The following CHRM3 variants were observed in gnomAD, a reference collection of about 807,000 sequenced individuals.
The protein encoded by CHRM3 is cholinergic receptor muscarinic 3.
CHRM3 carries 11 observed loss-of-function variants against 41.8 expected under a neutral mutation model. The ratio of observed to expected loss-of-function variants is 0.26; its 90% CI spans 0.17 to 0.44. The LOEUF is 0.44. Among genes scored for constraint, CHRM3 ranks in the 20% least tolerant of loss-of-function variants. The pLI, the probability that CHRM3 is intolerant of heterozygous loss-of-function variation, is 1.00. For missense variants in CHRM3, 571 were observed against 745.4 expected (o/e 0.77, Z 2.72); for synonymous variants, 297 against 301.4 (o/e 0.99, Z 0.15).
chr1:239,665,528 T>A (rs763205030), intron 4 of CHRM3, among the ~76,000 whole-genome samples: 4 of 152,270 alleles, frequency 2.6e-5, no homozygotes, highest in Non-Finnish European at 4.4e-5. Context: ...ATGTTTCTTT[T>A]TTATTATTAT....
intron 2 of CHRM3, among the ~76,000 whole-genome samples, chr1:239,494,286 T>C (rs1221308490): frequency 1.3e-5 from 2 of 152,104 alleles, no homozygotes; most frequent in Non-Finnish European, 2.9e-5. Context: ...TTCATTGCCG[T>C]CTGCTGGTTC....
At chr1:239,841,129 A>C (rs12079360) in intron 6 of CHRM3, among the ~76,000 whole-genome samples, 4,332 of 152,322 alleles carry the variant, frequency 0.028, 191 homozygotes, top group African/African-American at 0.099. Flanking sequence ...AAGGGAGAAC[A>C]TGTTTTGTTG....
chr1:239,442,754 A>G (rs1285492673), intron 1 of CHRM3, among the ~76,000 whole-genome samples: 2 of 152,186 alleles, frequency 1.3e-5, no homozygotes, highest in Non-Finnish European at 2.9e-5. Context: ...ATACTCAAGC[A>G]TTTTCACACA....
intron 6 of CHRM3, among the ~76,000 whole-genome samples, chr1:239,838,575 A>G (rs947642993): frequency 5.3e-5 from 8 of 152,190 alleles, no homozygotes; most frequent in Non-Finnish European, 1.0e-4. Flanking sequence ...CCACAAGCCT[A>G]CAAAGTTTAT....
chr1:239,628,780 C>G (rs1434819374), intron 3 of CHRM3, among the ~76,000 whole-genome samples: 1 of 49,464 alleles, frequency 2.0e-5, no homozygotes, highest in Admixed American at 1.9e-4. Context: ...GTCAGTGTGC[C>G]CCTGCTGGGG....
intron 2 of CHRM3, among the ~76,000 whole-genome samples, chr1:239,535,844 C>T (rs1658144641): frequency 6.6e-6 from 1 of 152,038 alleles, no homozygotes; most frequent in Non-Finnish European, 1.5e-5. Flanking sequence ...ATAAGGGCTG[C>T]TAAAGAGGCC....
intron 5 of CHRM3, among the ~76,000 whole-genome samples, chr1:239,800,936 C>T (rs1341449629): frequency 6.6e-6 from 1 of 151,732 alleles, no homozygotes; most frequent in Non-Finnish European, 1.5e-5. Flanking sequence ...TTTCCCCTTT[C>T]AAGTTACACT....
chr1:239,425,070 G>T (rs1045723681), intron 1 of CHRM3, among the ~76,000 whole-genome samples: 5 of 152,176 alleles, frequency 3.3e-5, no homozygotes, highest in African/African-American at 1.2e-4. Context: ...TTGGATGCAA[G>T]TGTAGTGACA....
Position 239,518,053 on chromosome 1 carries a change from C to A in CHRM3, c.-422+25246C>A, listed in dbSNP as rs375723883. Among the ~76,000 whole-genome samples, 190 of 152,084 alleles carry A rather than the reference C, an allele frequency of 1.2e-3. 7 individuals are homozygous for A. In the South Asian group the frequency reaches 0.037, roughly 29 times the overall value. ...CCTGGGAGGCGGAGGTTGCAGTGAG[C>A]CAAAATCACTCCACTTCACTCCAGC... On this transcript the variant is annotated intron_variant, in intron 2 of 6. Transcript: ENST00000676153.
intron 5 of CHRM3, among the ~76,000 whole-genome samples, chr1:239,766,247 C>A (rs1342905093): frequency 2.0e-5 from 3 of 152,010 alleles, no homozygotes; most frequent in Non-Finnish European, 4.4e-5. Flanking sequence ...GGATATGATG[C>A]CATGTGGGGA....
intron 1 of CHRM3, among the ~76,000 whole-genome samples, chr1:239,463,549 T>G (rs7517458): frequency 0.064 from 9,776 of 152,206 alleles, 591 homozygotes; most frequent in African/African-American, 0.16. Flanking sequence ...TGACATTTTA[T>G]TTTTTCTAAT....
chr1:239,629,969 C>A (rs1418339936), intron 3 of CHRM3, among the ~76,000 whole-genome samples: 1 of 152,128 alleles, frequency 6.6e-6, no homozygotes, highest in Non-Finnish European at 1.5e-5. Flanking sequence ...GAGATTTGAA[C>A]CTCATCTCTA....
At chr1:239,782,693 G>T (rs750009226) in intron 5 of CHRM3, among the ~76,000 whole-genome samples, 2 of 151,878 alleles carry the variant, frequency 1.3e-5, no homozygotes, top group Non-Finnish European at 2.9e-5. Flanking sequence ...CTTTTCTAAG[G>T]TGGAAACTTA....
At chr1:239,816,754 G>A (rs978969462) in intron 5 of CHRM3, among the ~76,000 whole-genome samples, 7 of 147,154 alleles carry the variant, frequency 4.8e-5, no homozygotes, top group African/African-American at 1.8e-4. Flanking sequence ...TTTTTTGAGA[G>A]GGAGTCTCAC....
intron 3 of CHRM3, among the ~76,000 whole-genome samples, chr1:239,601,976 T>A (rs1273469031): frequency 1.3e-5 from 2 of 151,648 alleles, no homozygotes; most frequent in Admixed American, 6.6e-5. Context: ...CCTGTTTTTT[T>A]AATCATATTT....
intron 1 of CHRM3, among the ~76,000 whole-genome samples, chr1:239,487,371 G>A (rs1667245353): frequency 6.6e-6 from 1 of 152,080 alleles, no homozygotes; most frequent in South Asian, 2.1e-4. Context: ...GTAGAATTTA[G>A]TGCATGGTCT....
intron 2 of CHRM3, among the ~76,000 whole-genome samples, chr1:239,544,806 A>G (rs1659131415): frequency 6.6e-6 from 1 of 152,200 alleles, no homozygotes; most frequent in Non-Finnish European, 1.5e-5. Flanking sequence ...AACCAATGAG[A>G]TGTATCTTTA....
At chr1:239,434,028 G>A (rs954983954) in intron 1 of CHRM3, among the ~76,000 whole-genome samples, 3 of 152,112 alleles carry the variant, frequency 2.0e-5, no homozygotes, top group Admixed American at 6.5e-5. Context: ...GGTTCTTTAA[G>A]GAATCTTCAG....
At chr1:239,472,962 C>G (rs1457157070) in intron 1 of CHRM3, among the ~76,000 whole-genome samples, 1 of 151,806 alleles carries the variant, frequency 6.6e-6, no homozygotes, top group Non-Finnish European at 1.5e-5. Flanking sequence ...AATGAAATAA[C>G]AAAGAAAGAT....
Sources: gnomAD v4.1 joint callset for allele counts (sites outside exome capture counted in the v4.1 genomes callset) on GRCh38, gnomAD v4.1.1 for gene constraint, MANE v1.5 for transcripts, NCBI Gene and HGNC (gene_info 2026-07-23, HGNC 2026-07-21) for gene names.